LGSN: variants seen among roughly 807,000 people sequenced by gnomAD.
The protein encoded by LGSN is lengsin, lens protein with glutamine synthetase domain.
LGSN carries 21 observed loss-of-function variants against 19.5 expected under a neutral mutation model. That is an observed-to-expected ratio of 1.07 (90% CI 0.76 to 1.55). LGSN has a LOEUF of 1.55. Among genes scored for constraint, LGSN ranks in the 40% most tolerant of loss-of-function variants. The pLI, the probability that LGSN is intolerant of heterozygous loss-of-function variation, is 0.00. For synonymous variants in LGSN, 257 were observed against 215.6 expected, an observed-to-expected ratio of 1.19 and a Z score of -1.68; for missense variants, 673 against 608.5, an observed-to-expected ratio of 1.11 and a Z score of -1.12.
At chr6:63,532,718 T>G in the LGSN span, among the ~76,000 whole-genome samples, 1 of 152,146 alleles carries the variant, frequency 6.6e-6, no homozygotes, top group East Asian at 1.9e-4. Context: ...ACTATGAGAG[T>G]TAAAATATTT....
At chr6:63,286,088 A>C (rs1463396666) in intron 2 of LGSN, among the ~76,000 whole-genome samples, 1 of 152,202 alleles carries the variant, frequency 6.6e-6, no homozygotes, top group Non-Finnish European at 1.5e-5. Context: ...AGTTCACAGC[A>C]AAAAGGGACC....
chr6:63,481,233 A>G, the LGSN span, among the ~76,000 whole-genome samples: 1 of 152,178 alleles, frequency 6.6e-6, no homozygotes, highest in Non-Finnish European at 1.5e-5. Context: ...GGTGCTAGGA[A>G]TAAAACTACA....
the LGSN span, among the ~76,000 whole-genome samples, chr6:63,560,363 A>G: frequency 2.0e-5 from 3 of 150,694 alleles, no homozygotes; most frequent in South Asian, 6.3e-4. Flanking sequence ...AAAAAGAAAG[A>G]AAGAAAAGAA....
At chr6:63,296,262 C>T (rs1767973340) in intron 1 of LGSN, among the ~76,000 whole-genome samples, 1 of 151,704 alleles carries the variant, frequency 6.6e-6, no homozygotes, top group African/African-American at 2.4e-5. Flanking sequence ...TTTTTCACTC[C>T]AAATAACCTT....
chr6:63,377,260 A>G, the LGSN span, among the ~76,000 whole-genome samples: 9 of 152,324 alleles, frequency 5.9e-5, no homozygotes, highest in African/African-American at 1.9e-4. Context: ...AATTATGGCA[A>G]GCCAATAGGC....
At chr6:63,352,005 G>GA in the LGSN span, among the ~76,000 whole-genome samples, 1 of 152,008 alleles carries the variant, frequency 6.6e-6, no homozygotes, top group Admixed American at 6.6e-5. Flanking sequence ...TCGTAGATAT[G>GA]GTACTTAAGA....
At chr6:63,328,714 T>G in the LGSN span, among the ~76,000 whole-genome samples, 1 of 152,366 alleles carries the variant, frequency 6.6e-6, no homozygotes, top group East Asian at 1.9e-4. Flanking sequence ...AGTTCTGTCC[T>G]GTAGGAAGGC....
chr6:63,395,238 T>C, the LGSN span: 2 of 152,264 alleles, frequency 1.3e-5, no homozygotes, highest in Admixed American at 1.3e-4. Flanking sequence ...CTGTTAACTT[T>C]TTATATACTT....
chr6:63,281,234 A>G lies in LGSN; in HGVS notation c.331-14T>C. The G allele has an allele frequency of 2.1e-6, 3 of 1,451,452 alleles. No homozygotes were observed. The highest frequency in any genetic ancestry group is 3.4e-5 in the South Asian group (2 of 59,666). 89.9% of individuals were successfully genotyped at this position (1,451,452 alleles called of 1,614,324 possible). ...GCTCACTTTCTCCTAAAGAAGGAAA[A>G]AAATGAAGAAATTAGGTTTTGAAAA... On this transcript the variant is annotated splice_polypyrimidine_tract_variant and intron_variant, in intron 3 of 3. Transcript: ENST00000370657.
chr6:63,291,175 G>A (rs967140822), intron 2 of LGSN, among the ~76,000 whole-genome samples: 5 of 152,172 alleles, frequency 3.3e-5, no homozygotes, highest in East Asian at 1.9e-4. Context: ...CAAGGTGAGC[G>A]CTTTTGGGTT....
At chr6:63,522,443 T>G in the LGSN span, among the ~76,000 whole-genome samples, 1 of 152,148 alleles carries the variant, frequency 6.6e-6, no homozygotes, top group Admixed American at 6.6e-5. Flanking sequence ...TAGTTACAAT[T>G]CAGGTGAAAC....
At chr6:63,498,047 T>G in the LGSN span, among the ~76,000 whole-genome samples, 1 of 151,358 alleles carries the variant, frequency 6.6e-6, no homozygotes, top group Non-Finnish European at 1.5e-5. Context: ...GCCTCCCGAG[T>G]AGCTGGGATT....
At chr6:63,407,360 C>A in the LGSN span, among the ~76,000 whole-genome samples, 1 of 152,040 alleles carries the variant, frequency 6.6e-6, no homozygotes, top group Admixed American at 6.6e-5. Flanking sequence ...CCCTGGGATG[C>A]AAGGCTGGTT....
chr6:63,547,222 T>C, the LGSN span, among the ~76,000 whole-genome samples: 5 of 149,572 alleles, frequency 3.3e-5, no homozygotes, highest in Non-Finnish European at 5.9e-5. Context: ...TGGAGTCTTG[T>C]TGTGTCACTG....
chr6:63,297,223 C>T (rs1338261254), intron 1 of LGSN, among the ~76,000 whole-genome samples: 1 of 151,842 alleles, frequency 6.6e-6, no homozygotes, highest in Non-Finnish European at 1.5e-5. Context: ...GCCTGTAATC[C>T]CAGCTGTTTG....
the LGSN span, among the ~76,000 whole-genome samples, chr6:63,416,567 TTTGTTG>T: frequency 1.2e-4 from 18 of 152,138 alleles, no homozygotes; most frequent in African/African-American, 4.3e-4. Flanking sequence ...ACATAGTTTT[TTTGTTG>T]TTGTTGTTTT....
chr6:63,486,826 A>T, the LGSN span, among the ~76,000 whole-genome samples: 1 of 127,072 alleles, frequency 7.9e-6, no homozygotes, highest in East Asian at 2.0e-4. Flanking sequence ...TTATTTTATT[A>T]TTATTATTAT....
the LGSN span, among the ~76,000 whole-genome samples, chr6:63,431,588 T>C: frequency 6.6e-6 from 1 of 152,244 alleles, no homozygotes; most frequent in African/African-American, 2.4e-5. Context: ...ATGAGCTTTA[T>C]TTTTCCATTC....
the LGSN span, among the ~76,000 whole-genome samples, chr6:63,350,495 CCA>C: frequency 6.6e-6 from 1 of 152,194 alleles, no homozygotes; most frequent in Admixed American, 6.5e-5. Flanking sequence ...TACTTTATTT[CCA>C]GTTTTAATAA....
Sources: gnomAD v4.1 joint callset for allele counts (sites outside exome capture counted in the v4.1 genomes callset) on GRCh38, gnomAD v4.1.1 for gene constraint, MANE v1.5 for transcripts, NCBI Gene and HGNC (gene_info 2026-07-23, HGNC 2026-07-21) for gene names.